Variants in PCYT1A observed in about 807,000 individuals in gnomAD.
PCYT1A encodes choline-phosphate cytidylyltransferase A.
Under a neutral mutation model 43.7 loss-of-function variants are expected in PCYT1A, and 25 were observed. The ratio of observed to expected loss-of-function variants is 0.57; its 90% CI spans 0.42 to 0.80. The LOEUF is 0.80. PCYT1A is among the 30% of genes least tolerant of loss of function. The pLI is 0.00. For missense variants in PCYT1A, 421 were observed against 474.2 expected (o/e 0.89, Z 1.04); for synonymous variants, 172 against 170.7 (o/e 1.01, Z -0.06).
Position 196,245,970 on chromosome 3 carries a change from A to G in PCYT1A, c.486+1397T>C, listed in dbSNP as rs544660993. Among the ~76,000 whole-genome samples the G allele has an allele frequency of 2.7e-3, 403 of 150,970 alleles. 2 individuals carry two copies. Among genetic ancestry groups the G allele is most frequent in the Non-Finnish European group, 4.8e-3 (328 of 67,706 alleles). ...TGTCTCAAAAAAAAAAAAAAAAAGA[A>G]TGGGACAAGCAAAACTCAAGGTTGA... On this transcript the variant is annotated intron_variant, in intron 5 of 8. Transcript: ENST00000431016.
At position 196,247,615 on chromosome 3, in the gene PCYT1A, G is replaced by C. The variant is rs1560164937; in HGVS notation, c.335-97C>G. The C allele has an allele frequency of 8.5e-7, 1 of 1,183,156 alleles. No individual in the cohort carries two copies. The highest frequency in any genetic ancestry group is 1.8e-5 in the Admixed American group (1 of 56,252). 73.3% of individuals were successfully genotyped at this position (1,183,156 alleles called of 1,614,324 possible). A position where few individuals can be genotyped will look rare whatever the true frequency, so the allele number is the denominator to read the frequency against. On this transcript the variant is annotated intron_variant, in intron 4 of 8. Coordinates refer to ENST00000431016, the MANE Select transcript of PCYT1A (RefSeq NM_001312673.2). The surrounding 1 kb of genome is among the most constrained non-coding windows in gnomAD (Gnocchi z 4.8). ...CCATCTTCTCCCACTGCTTAGGACT[G>C]CAACCATCTTCCCCAACTGGAAAAA...
At chr3:196,275,347 T>C (rs1008928473) in intron 1 of PCYT1A, among the ~76,000 whole-genome samples, 1 of 152,134 alleles carries the variant, frequency 6.6e-6, no homozygotes, top group Admixed American at 6.6e-5. Flanking sequence ...AGAGTGGAAC[T>C]CACAGAAGTA....
intron 3 of PCYT1A, 117 bp downstream of exon 3, chr3:196,257,671 T>C: frequency 1.6e-6 from 1 of 633,206 alleles, no homozygotes; most frequent in Non-Finnish European, 2.9e-6. Flanking sequence ...ACCCCTTCGC[T>C]GCTGGCCTTT....
chr3:196,247,690 G>T lies in PCYT1A; in HGVS notation c.335-172C>A. The T allele has an allele frequency of 1.4e-6, 1 of 707,080 alleles. No homozygotes were observed. Among genetic ancestry groups the T allele is most frequent in the Non-Finnish European group, 2.6e-6 (1 of 388,704 alleles). The allele number at this position is 707,080 out of a possible 1,614,324, so 43.8% of individuals were successfully genotyped here. Reference sequence around the variant, plus strand: ...GGGTGATAACGCTTTTCCTAATGCAGCGTATACCTTCAGGAGCAACACTCA... The same window carrying T: ...GGGTGATAACGCTTTTCCTAATGCATCGTATACCTTCAGGAGCAACACTCA... On this transcript the variant is annotated intron_variant, in intron 4 of 8. Coordinates refer to ENST00000431016, the MANE Select transcript of PCYT1A (RefSeq NM_001312673.2). This position sits in a 1 kb window ranked among gnomAD's most constrained non-coding sequence, Gnocchi z 4.8.
chr3:196,253,596 C>G (rs1577362058), intron 3 of PCYT1A, among the ~76,000 whole-genome samples: 4 of 152,290 alleles, frequency 2.6e-5, no homozygotes, highest in East Asian at 3.9e-4. Flanking sequence ...TGGCTGCTTG[C>G]AGCACAGCTA....
At chr3:196,239,200 G>A in intron 8 of PCYT1A, among the ~76,000 whole-genome samples, 1 of 152,196 alleles carries the variant, frequency 6.6e-6, no homozygotes, top group East Asian at 1.9e-4. Flanking sequence ...TGGGGTTCCT[G>A]CTGCAGCTAC....
At chr3:196,260,784 G>T (rs1368722657) in intron 2 of PCYT1A, among the ~76,000 whole-genome samples, 3 of 152,242 alleles carry the variant, frequency 2.0e-5, no homozygotes, top group Non-Finnish European at 4.4e-5. Context: ...GGAGGTTGCA[G>T]TGAGCTGAGA....
chr3:196,251,190 G>A (rs1045187375), intron 3 of PCYT1A, among the ~76,000 whole-genome samples: 2 of 151,288 alleles, frequency 1.3e-5, no homozygotes, highest in African/African-American at 4.9e-5. Context: ...CTGAGGCTGA[G>A]GACCAGATAC....
At position 196,248,285 on chromosome 3, in the gene PCYT1A, C is replaced by A; in HGVS notation, c.256G>T (p.Asp86Tyr). The change falls in exon 4 of 9, where the codon GAC becomes TAC. Residue 86 changes from aspartate to tyrosine, a missense_variant. Coordinates refer to ENST00000431016, the MANE Select transcript of PCYT1A (RefSeq NM_001312673.2). The part of the protein sequence containing the change: ...PVRVYADGIF[D>Y]LFHSGHARAL... ...CGGGCGTGACCAGAGTGAAATAAGT[C>A]AAATATTCCATCGGCATAAACTCTC... The A allele has an allele frequency of 6.2e-7, 1 of 1,613,132 alleles. No individual in the cohort carries two copies. Among genetic ancestry groups the A allele is most frequent in the Non-Finnish European group, 8.5e-7 (1 of 1,179,108 alleles).
intron 3 of PCYT1A, among the ~76,000 whole-genome samples, chr3:196,249,026 C>G (rs1724664163): frequency 6.6e-6 from 1 of 152,130 alleles, no homozygotes; most frequent in Non-Finnish European, 1.5e-5. Context: ...TCCCAAAGTG[C>G]TGGGATTACA....
At chr3:196,267,612 G>A (rs1198525659) in intron 2 of PCYT1A, among the ~76,000 whole-genome samples, 1 of 152,014 alleles carries the variant, frequency 6.6e-6, no homozygotes, top group East Asian at 1.9e-4. Context: ...AGCTACTTGG[G>A]AGGCTGAGGT....
At chr3:196,267,076 G>T (rs1189396657) in intron 2 of PCYT1A, among the ~76,000 whole-genome samples, 27 of 151,956 alleles carry the variant, frequency 1.8e-4, no homozygotes, top group Admixed American at 1.6e-3. Context: ...CTACCCGGGA[G>T]GGTGAGACAG....
chr3:196,275,731 C>T lies in PCYT1A; in HGVS notation c.-10-5190G>A, dbSNP rs1279108548. On this transcript the variant is annotated intron_variant, in intron 1 of 8. Transcript: ENST00000431016. ...CTGGCAACAGAGTAAGACTCTGTCT[C>T]AACAAAAAAGAAAAAAAAAAAGAAT... is the stretch of plus-strand genomic sequence containing the variant. 2.9e-5 allele frequency among the ~76,000 whole-genome samples: 4 copies of T among 136,350 alleles called. No individual in the cohort carries two copies. In the East Asian group the frequency reaches 1.4e-3, roughly 46 times the overall value. The allele number at this position is 136,350 out of a possible 152,430, so 89.5% of individuals were successfully genotyped here.
At chr3:196,279,247 C>T (rs1725681471) in intron 1 of PCYT1A, among the ~76,000 whole-genome samples, 1 of 148,808 alleles carries the variant, frequency 6.7e-6, no homozygotes, top group Non-Finnish European at 1.5e-5. Flanking sequence ...ATGATCATAC[C>T]ACTGCACTCC....
In PCYT1A at chr3:196,234,972, G is replaced by A. The variant is rs1724122106; in HGVS notation, c.*3716C>T. The A allele has an allele frequency of 6.6e-6, 1 of 152,098 alleles. No individual in the cohort carries two copies. Among genetic ancestry groups the A allele is most frequent in the Admixed American group, 6.5e-5 (1 of 15,268 alleles). 9.4% of individuals were successfully genotyped at this position (152,098 alleles called of 1,614,324 possible). A position where few individuals can be genotyped will look rare whatever the true frequency, so the allele number is the denominator to read the frequency against. On this transcript the variant is annotated 3_prime_UTR_variant, in exon 9 of 9. Transcript: ENST00000431016. ...AAATATCATCAGTTAAAAACATTAA[G>A]GGGGCTTTCTTTTTCTACCTGTATT...
intron 8 of PCYT1A, 144 bp from the exon 9 acceptor site, chr3:196,239,038 C>G: frequency 2.2e-6 from 1 of 446,036 alleles, no homozygotes; most frequent in East Asian, 3.5e-5. Flanking sequence ...ATTCCCCATT[C>G]TTCCTCAATA....
At chr3:196,281,438 C>T (rs750665158) in intron 1 of PCYT1A, among the ~76,000 whole-genome samples, 18 of 152,318 alleles carry the variant, frequency 1.2e-4, no homozygotes, top group East Asian at 3.9e-4. Flanking sequence ...CAAACTACAG[C>T]TAGCTGGCCA....
intron 1 of PCYT1A, 101 bp from the exon 2 acceptor site, chr3:196,270,642 C>T: frequency 2.5e-6 from 2 of 806,898 alleles, no homozygotes; most frequent in Non-Finnish European, 4.4e-6. Flanking sequence ...CAGCAAAATA[C>T]CAATTCTACA....
chr3:196,280,570 G>GTTTTTTTTTTTTTTTTTT, intron 1 of PCYT1A, among the ~76,000 whole-genome samples: 50 of 91,326 alleles, frequency 5.5e-4, no homozygotes, highest in Non-Finnish European at 6.6e-4. Context: ...TATTTTTATT[G>GTTTTTTTTTTTTTTTTTT]TTTTTTTTTT....
Sources: allele counts gnomAD v4.1 joint callset (sites outside exome capture counted in the v4.1 genomes callset), GRCh38; gene constraint gnomAD v4.1.1; non-coding constraint Gnocchi (gnomAD v3.1); transcripts MANE v1.5; gene names NCBI Gene and HGNC (gene_info 2026-07-23, HGNC 2026-07-21).